The following ATF6 variants were observed in gnomAD, a reference collection of about 807,000 sequenced individuals.
The protein encoded by ATF6 is activating transcription factor 6.
In ATF6, 53 loss-of-function variants were observed where a neutral mutation model predicts 83.6. That is an observed-to-expected ratio of 0.63 (90% confidence interval 0.51 to 0.80). The LOEUF (loss-of-function observed/expected upper bound fraction) is 0.80, where lower values mean the gene tolerates loss of function less well. Ranked by LOEUF, ATF6 falls within the 30% of genes least tolerant of loss-of-function variation. The probability of loss-of-function intolerance (pLI) is 0.00; values close to 1 mark genes in which losing one functional copy is unlikely to be tolerated. For synonymous variants in ATF6, 288 were observed against 285.8 expected, an observed-to-expected ratio of 1.01 and a Z score of -0.08; for missense variants, 744 against 797.9, an observed-to-expected ratio of 0.93 and a Z score of 0.81.
chr1:161,773,970 A>G (rs951132179), intron 1 of ATF6, among the ~76,000 whole-genome samples: 22 of 152,176 alleles, frequency 1.4e-4, no homozygotes, highest in African/African-American at 5.1e-4. Flanking sequence ...AGATTTACCA[A>G]CTGTTAACAT....
chr1:161,838,639 T>G (rs1354370), intron 9 of ATF6, among the ~76,000 whole-genome samples: 22,024 of 152,190 alleles, frequency 0.14, 2,178 homozygotes, highest in East Asian at 0.31. Context: ...CAGTTTAGTG[T>G]CTGGGTTCCA....
rs532936300 is a variant in ATF6 at position 161,769,807 on chromosome 1, A to G, written c.82+3365A>G. Among the ~76,000 whole-genome samples the G allele has an allele frequency of 1.6e-4, 24 of 152,090 alleles. 1 individual carries two copies. In the South Asian group the frequency reaches 4.8e-3, roughly 30 times the overall value. ...AGTTCACAGTAGGGTTCACACTCCT[A>G]TGAGAATCTAATGCTGCTGCTGATC... On this transcript the variant is annotated intron_variant, in intron 1 of 15. Transcript: ENST00000367942.
chr1:161,880,643 G>A (rs1687304175), intron 14 of ATF6, among the ~76,000 whole-genome samples: 1 of 152,108 alleles, frequency 6.6e-6, no homozygotes, highest in Admixed American at 6.5e-5. Context: ...TAGGGATATA[G>A]CACAATTTAC....
intron 15 of ATF6, among the ~76,000 whole-genome samples, chr1:161,913,273 C>G (rs780643367): frequency 1.3e-5 from 2 of 152,142 alleles, no homozygotes; most frequent in Non-Finnish European, 2.9e-5. Context: ...ACGAAAAGCC[C>G]TTTGAACTAA....
chr1:161,915,241 T>A (rs563008888), intron 15 of ATF6, among the ~76,000 whole-genome samples: 5 of 152,308 alleles, frequency 3.3e-5, no homozygotes, highest in South Asian at 2.1e-4. Context: ...GTCTCTTCCA[T>A]TGGGTTCTAA....
chr1:161,908,898 G>A (rs1361825123), intron 14 of ATF6, among the ~76,000 whole-genome samples: 1 of 152,068 alleles, frequency 6.6e-6, no homozygotes, highest in African/African-American at 2.4e-5. Context: ...TCCTTAATAA[G>A]TATTTAAGTA....
At chr1:161,822,178 A>G (rs1426204430) in intron 9 of ATF6, among the ~76,000 whole-genome samples, 1 of 152,208 alleles carries the variant, frequency 6.6e-6, no homozygotes, top group Non-Finnish European at 1.5e-5. Flanking sequence ...GTAGACTGAC[A>G]GACAGATAAT....
chr1:161,867,225 A>G (rs9729669), intron 14 of ATF6, among the ~76,000 whole-genome samples: 21,469 of 151,724 alleles, frequency 0.14, 2,045 homozygotes, highest in East Asian at 0.31. Context: ...AACCTGGGAG[A>G]CGGAGCTTGC....
chr1:161,773,050 C>T (rs1386720425), intron 1 of ATF6, among the ~76,000 whole-genome samples: 3 of 149,700 alleles, frequency 2.0e-5, no homozygotes, highest in African/African-American at 7.4e-5. Flanking sequence ...TCACTGTAAC[C>T]TCCACCTCCT....
chr1:161,900,404 C>T (rs1021861611), intron 14 of ATF6, among the ~76,000 whole-genome samples: 4 of 152,044 alleles, frequency 2.6e-5, no homozygotes, highest in African/African-American at 4.8e-5. Context: ...TAACAGATGA[C>T]ATGAAAAGAG....
In ATF6 at chr1:161,792,278, A is replaced by G; in HGVS notation, c.639A>G (p.Pro213=). 6.2e-7 allele frequency: 1 copy of G among 1,614,166 alleles called. No individual in the cohort carries two copies. The highest frequency in any genetic ancestry group is 8.5e-7 in the Non-Finnish European group (1 of 1,180,020). Residue 213 remains proline (P), a synonymous_variant, in exon 6 of 16, where the codon CCA becomes CCG. Coordinates refer to ENST00000367942, the MANE Select transcript of ATF6 (RefSeq NM_007348.4). ...TTCAGACAGTACCAACGCTTATGCCATTGGCAAAGCAGCAACCAATTATCA... is the reference window on the plus strand; with the variant it reads ...TTCAGACAGTACCAACGCTTATGCCGTTGGCAAAGCAGCAACCAATTATCA... ...IIIQTVPTLM[P]LAKQQPIISL... is the part of the protein sequence containing the mutation.
intron 7 of ATF6, among the ~76,000 whole-genome samples, chr1:161,805,875 CCTTTTTTAGTT>C (rs990922631): frequency 2.0e-5 from 3 of 151,394 alleles, no homozygotes; most frequent in Non-Finnish European, 4.4e-5. Context: ...TCTTTTTCTA[CCTTTTTTAGTT>C]CTTTTGTTTG....
At chr1:161,933,833 T>C (rs957103901) in intron 15 of ATF6, among the ~76,000 whole-genome samples, 2 of 152,228 alleles carry the variant, frequency 1.3e-5, no homozygotes, top group Admixed American at 6.5e-5. Flanking sequence ...CTCCTCCCCA[T>C]GTTGATGCTC....
intron 14 of ATF6, among the ~76,000 whole-genome samples, chr1:161,880,242 G>A (rs1687293635): frequency 6.6e-6 from 1 of 151,968 alleles, no homozygotes; most frequent in Non-Finnish European, 1.5e-5. Context: ...TTAAGGTGAA[G>A]ATTCATTTTT....
intron 6 of ATF6, among the ~76,000 whole-genome samples, chr1:161,797,907 T>C (rs1685058777): frequency 6.6e-6 from 1 of 152,188 alleles, no homozygotes; most frequent in Non-Finnish European, 1.5e-5. Context: ...TCAAGCTACC[T>C]GATTTCAAAC....
intron 9 of ATF6, 124 bp from the exon 10 acceptor site, chr1:161,846,325 C>A: frequency 9.5e-7 from 1 of 1,056,892 alleles, no homozygotes; most frequent in Non-Finnish European, 1.3e-6. Context: ...TGCGTCTATG[C>A]CTAGCATTTT....
chr1:161,826,018 G>A (rs544715897), intron 9 of ATF6, among the ~76,000 whole-genome samples: 2 of 152,278 alleles, frequency 1.3e-5, no homozygotes, highest in African/African-American at 4.8e-5. Context: ...AGGGTTTTAG[G>A]AGCTCTGTGA....
intron 14 of ATF6, among the ~76,000 whole-genome samples, chr1:161,878,348 C>A (rs1448516135): frequency 6.6e-6 from 1 of 152,022 alleles, no homozygotes; most frequent in East Asian, 1.9e-4. Flanking sequence ...CTCCCAACCT[C>A]AAGTGATCCA....
At chr1:161,849,334 T>G (rs1256048061) in intron 10 of ATF6, among the ~76,000 whole-genome samples, 1 of 152,208 alleles carries the variant, frequency 6.6e-6, no homozygotes, top group Non-Finnish European at 1.5e-5. Flanking sequence ...GAGAGGACAT[T>G]GAGAATATTC....
Sources: allele counts gnomAD v4.1 joint callset (sites outside exome capture counted in the v4.1 genomes callset), GRCh38; gene constraint gnomAD v4.1.1; transcripts MANE v1.5; gene names NCBI Gene and HGNC (gene_info 2026-07-23, HGNC 2026-07-21).